The following DENND2B variants were observed in gnomAD, a reference collection of about 807,000 sequenced individuals.
DENND2B encodes DENN domain containing 2B.
Under a neutral mutation model 116.0 loss-of-function variants are expected in DENND2B, and 32 were observed. The observed-to-expected ratio is 0.28, with a 90% CI of 0.21 to 0.37. DENND2B has a LOEUF of 0.37. Among genes scored for constraint, DENND2B ranks in the 10% least tolerant of loss-of-function variants. The pLI is 1.00. For synonymous variants in DENND2B, 588 were observed against 583.9 expected, an observed-to-expected ratio of 1.01 and a Z score of -0.10; for missense variants, 1,276 against 1,477.7, an observed-to-expected ratio of 0.86 and a Z score of 2.24.
At chr11:8,822,926 G>T (rs559865813) in intron 4 of DENND2B, among the ~76,000 whole-genome samples, 1 of 152,144 alleles carries the variant, frequency 6.6e-6, no homozygotes, top group Non-Finnish European at 1.5e-5. Flanking sequence ...ATAAAAAGTG[G>T]CAAGGACTCA....
intron 4 of DENND2B, among the ~76,000 whole-genome samples, chr11:8,825,372 T>G (rs1009153088): frequency 4.0e-5 from 6 of 149,556 alleles, no homozygotes; most frequent in South Asian, 2.1e-4. Context: ...TAAAAATGGG[T>G]TTTTTTTTTC....
chr11:8,701,410 G>A (rs886674213), intron 14 of DENND2B, among the ~76,000 whole-genome samples: 4 of 140,078 alleles, frequency 2.9e-5, no homozygotes, highest in Non-Finnish European at 4.5e-5. Flanking sequence ...TAAGCCCTAT[G>A]CAAATCAAAC....
chr11:8,735,455 T>C (rs1002421319), intron 2 of DENND2B, among the ~76,000 whole-genome samples: 3 of 152,166 alleles, frequency 2.0e-5, no homozygotes, highest in African/African-American at 7.2e-5. Flanking sequence ...CAATCAACTG[T>C]GTTAAGCCAC....
At chr11:8,745,527 A>C (rs1340905296) in intron 2 of DENND2B, among the ~76,000 whole-genome samples, 2 of 152,240 alleles carry the variant, frequency 1.3e-5, no homozygotes, top group African/African-American at 2.4e-5. Context: ...GACAGGAACC[A>C]CAACCTATCC....
chr11:8,909,895 G>C (rs2064293546), intron 1 of DENND2B: 1 of 152,178 alleles, frequency 6.6e-6, no homozygotes, highest in Non-Finnish European at 1.5e-5. Flanking sequence ...CCCTCAAAGT[G>C]GACCTTCCTA....
chr11:8,902,843 T>TTA (rs2064186473), intron 1 of DENND2B, among the ~76,000 whole-genome samples: 1 of 152,230 alleles, frequency 6.6e-6, no homozygotes, highest in African/African-American at 2.4e-5. Flanking sequence ...CAATCTCTGC[T>TTA]TATAGAATGG....
At chr11:8,823,212 G>T (rs1054180444) in intron 4 of DENND2B, among the ~76,000 whole-genome samples, 3 of 151,974 alleles carry the variant, frequency 2.0e-5, no homozygotes, top group Non-Finnish European at 4.4e-5. Flanking sequence ...GAATGTCAGG[G>T]ACATAATTTA....
intron 1 of DENND2B, among the ~76,000 whole-genome samples, chr11:8,802,907 G>A (rs1462231258): frequency 6.6e-6 from 1 of 152,266 alleles, no homozygotes; most frequent in East Asian, 1.9e-4. Flanking sequence ...TCCGAGTTCT[G>A]AGAACCAAGT....
In DENND2B at chr11:8,730,509, C is replaced by A; in HGVS notation, c.781G>T (p.Gly261Cys). 1 of 1,612,764 alleles carries A rather than the reference C, an allele frequency of 6.2e-7. No homozygotes were observed. Among genetic ancestry groups the A allele is most frequent in the Admixed American group, 1.7e-5 (1 of 60,036 alleles). ...AGGAAGGCGCTGGGCTCACTCCGGC[C>A]CAGCCGTTTCTCCAGCCGGTAGAAA... is the stretch of plus-strand genomic sequence containing the variant. Reference protein sequence around the residue: ...DSFYRLEKRLGRSEPSAFLRG... With the variant: ...DSFYRLEKRLCRSEPSAFLRG... The change falls in exon 3 of 20, where the codon GGC becomes TGC. Residue 261 changes from glycine (G) to cysteine (C), a missense_variant. Gly to Cys is a radical substitution (Grantham distance 159). Around this residue, in one of 2 missense-constraint regions of DENND2B, gnomAD observed 856 missense variants for 846.6 expected, o/e 1.01. Transcript: ENST00000313726. The surrounding 1 kb of genome is among the most constrained non-coding windows in gnomAD (Gnocchi z 4.1).
intron 1 of DENND2B, among the ~76,000 whole-genome samples, chr11:8,889,090 A>C (rs2063994715): frequency 6.6e-6 from 1 of 152,254 alleles, no homozygotes; most frequent in African/African-American, 2.4e-5. Context: ...TATACCCAAA[A>C]AATTGAAACC....
chr11:8,720,270 C>G (rs959347990), intron 4 of DENND2B, among the ~76,000 whole-genome samples: 2 of 152,018 alleles, frequency 1.3e-5, no homozygotes, highest in African/African-American at 4.8e-5. Context: ...CCTCCTTCAC[C>G]TCACTCCCTC....
At chr11:8,905,276 A>G (rs1589893609) in intron 1 of DENND2B, among the ~76,000 whole-genome samples, 1 of 152,202 alleles carries the variant, frequency 6.6e-6, no homozygotes, top group Non-Finnish European at 1.5e-5. Context: ...AAAGTTGCCA[A>G]GGGAATTTAA....
chr11:8,784,290 G>C (rs1410518243), intron 1 of DENND2B: 1 of 151,958 alleles, frequency 6.6e-6, no homozygotes, highest in Non-Finnish European at 1.5e-5. Flanking sequence ...GCATGGACAG[G>C]GAGGTGCATG....
intron 2 of DENND2B, among the ~76,000 whole-genome samples, chr11:8,865,637 A>G (rs1363314771): frequency 2.0e-5 from 3 of 151,734 alleles, no homozygotes; most frequent in Non-Finnish European, 4.4e-5. Flanking sequence ...AGGGACAGGA[A>G]AACAGTAAAA....
chr11:8,884,301 C>G (rs893880672), intron 1 of DENND2B, among the ~76,000 whole-genome samples: 5 of 150,052 alleles, frequency 3.3e-5, no homozygotes, highest in African/African-American at 1.2e-4. Flanking sequence ...AAAAAATCCT[C>G]TTCGGACTTC....
chr11:8,761,684 C>T (rs575450071), intron 1 of DENND2B, among the ~76,000 whole-genome samples: 1 of 152,276 alleles, frequency 6.6e-6, no homozygotes, highest in African/African-American at 2.4e-5. Flanking sequence ...CTCACCCTTC[C>T]CACGCTCTCT....
At chr11:8,853,303 C>T (rs139202212) in intron 3 of DENND2B, among the ~76,000 whole-genome samples, 1,753 of 152,230 alleles carry the variant, frequency 0.012, 44 homozygotes, top group African/African-American at 0.041. Context: ...GTGGAGGTTG[C>T]AGTGAGCTGA....
rs66471685 is a variant in DENND2B, at chr11:8,771,529, C to CAGAGAGAGAGAGAGAGAGAG, written c.-25-20824_-25-20805dup. ...GAATATATATATGTGTATATATATA[C>CAGAGAGAGAGAGAGAGAGAG]AGAGAGAGAGAGAGAGAGAGAGAGA... On this transcript the variant is annotated intron_variant, in intron 1 of 19. Transcript: ENST00000313726. 94 of 107,416 alleles carry CAGAGAGAGAGAGAGAGAGAG rather than the reference C, an allele frequency of 8.8e-4. 3 individuals carry two copies. The highest frequency in any genetic ancestry group is 3.6e-3 in the African/African-American group (83 of 22,786). 6.7% of individuals were successfully genotyped at this position (107,416 alleles called of 1,614,324 possible).
Position 8,753,434 on chromosome 11 carries a change from A to G in DENND2B, c.-25-2709T>C, listed in dbSNP as rs1038961660. 7.2e-5 allele frequency among the ~76,000 whole-genome samples: 11 copies of G among 152,338 alleles called. No individual in the cohort carries two copies. In the South Asian group the frequency reaches 1.9e-3, roughly 26 times the overall value. On this transcript the variant is annotated intron_variant, in intron 1 of 19. Coordinates refer to ENST00000313726, the MANE Select transcript of DENND2B (RefSeq NM_213618.2). ...AATTAGACATAAAAAATGAAAAGAC[A>G]TACCATATTCATGGATCAGAAAATT... is the stretch of plus-strand genomic sequence containing the variant.
Sources: allele counts gnomAD v4.1 joint callset (sites outside exome capture counted in the v4.1 genomes callset), GRCh38; gene constraint gnomAD v4.1.1; regional missense constraint gnomAD v4.1.1; non-coding constraint Gnocchi (gnomAD v3.1); transcripts MANE v1.5; gene names NCBI Gene and HGNC (gene_info 2026-07-23, HGNC 2026-07-21).